CDH8: variants seen among roughly 807,000 people sequenced by gnomAD.
CDH8 encodes the protein cadherin 8, also known as cadherin-8.
CDH8 carries 17 observed loss-of-function variants against 68.1 expected under a neutral mutation model. That is an observed-to-expected ratio of 0.25 (90% confidence interval 0.17 to 0.37). CDH8 has a LOEUF of 0.37. CDH8 is among the 10% of genes least tolerant of loss of function. CDH8 has a pLI of 1.00. For missense variants in CDH8, 763 were observed against 999.3 expected, an observed-to-expected ratio of 0.76 and a Z score of 3.19; for synonymous variants, 372 against 365.1, an observed-to-expected ratio of 1.02 and a Z score of -0.21.
chr16:61,884,278 T>C lies in CDH8; in HGVS notation c.547+16901A>G, dbSNP rs377309740. On this transcript the variant is annotated intron_variant, in intron 3 of 11. Transcript: ENST00000577390. The stretch of plus-strand genomic sequence containing the variant: ...ACCAACTCCTTCTCTTCCTCCTCCT[T>C]CTCAGCCTACTCAACATGAAGATAA... Among the ~76,000 whole-genome samples, 21 of 152,202 alleles carry C rather than the reference T, an allele frequency of 1.4e-4. No homozygotes were observed. The East Asian group carries it at 3.1e-3, about 22-fold the overall frequency.
At chr16:61,973,190 G>A (rs1490537421) in intron 2 of CDH8, among the ~76,000 whole-genome samples, 3 of 152,110 alleles carry the variant, frequency 2.0e-5, no homozygotes, top group Non-Finnish European at 4.4e-5. Flanking sequence ...AGAATAACTT[G>A]TCTTCCTCCT....
At chr16:61,819,694 G>A (rs762940437) in intron 6 of CDH8, among the ~76,000 whole-genome samples, 6 of 151,952 alleles carry the variant, frequency 3.9e-5, no homozygotes, top group Non-Finnish European at 7.4e-5. Context: ...CAGTGGGGGC[G>A]ATTTTTAGAG....
At chr16:62,002,889 T>C (rs1965915069) in intron 2 of CDH8, among the ~76,000 whole-genome samples, 2 of 152,034 alleles carry the variant, frequency 1.3e-5, no homozygotes, top group African/African-American at 4.8e-5. Context: ...CCGTCTCTAC[T>C]AAAAATACAA....
At chr16:61,945,397 T>C (rs1229633148) in intron 2 of CDH8, among the ~76,000 whole-genome samples, 8 of 146,404 alleles carry the variant, frequency 5.5e-5, no homozygotes, top group Non-Finnish European at 1.5e-5. Context: ...CAATCAGTCC[T>C]GCCAAAAGGC....
chr16:61,731,882 T>C (rs1567444503), intron 8 of CDH8, among the ~76,000 whole-genome samples: 1 of 151,562 alleles, frequency 6.6e-6, no homozygotes, highest in African/African-American at 2.4e-5. Context: ...GAAGATGCCA[T>C]AACAACATAA....
rs1962834239 is a variant in CDH8 at position 61,847,541 on chromosome 16, TATATATA to T, written c.667+9571_667+9577del. Among the ~76,000 whole-genome samples, 8 of 30,360 alleles carry T rather than the reference TATATATA, an allele frequency of 2.6e-4. No homozygotes were observed. The African/African-American group carries it at 7.3e-3, about 28-fold the overall frequency. 19.9% of individuals were successfully genotyped at this position (30,360 alleles called of 152,430 possible). ...CTTCTGTAAGCTTCCAATCATTTTA[TATATATA>T]TATATATATATATATATATATGTAA... is the stretch of plus-strand genomic sequence containing the variant. On this transcript the variant is annotated intron_variant, in intron 4 of 11. Transcript: ENST00000577390.
intron 2 of CDH8, among the ~76,000 whole-genome samples, chr16:62,008,082 A>AT (rs1246730670): frequency 1.3e-5 from 2 of 151,776 alleles, no homozygotes; most frequent in African/African-American, 4.8e-5. Flanking sequence ...CCACAGGTGC[A>AT]TGCCACCACA....
chr16:61,773,363 A>G (rs1255165071), intron 8 of CDH8, among the ~76,000 whole-genome samples: 1 of 151,988 alleles, frequency 6.6e-6, no homozygotes, highest in South Asian at 2.1e-4. Context: ...CCCACTTTGC[A>G]AAGCTTAAAG....
intron 4 of CDH8, among the ~76,000 whole-genome samples, chr16:61,838,147 C>A (rs1962608018): frequency 6.6e-6 from 1 of 151,988 alleles, no homozygotes; most frequent in Admixed American, 6.6e-5. Context: ...AACTCTATAT[C>A]AAATAGGTAA....
At chr16:61,738,633 G>T (rs1202901351) in intron 8 of CDH8, among the ~76,000 whole-genome samples, 1 of 152,074 alleles carries the variant, frequency 6.6e-6, no homozygotes, top group Non-Finnish European at 1.5e-5. Context: ...ATGAGAGACA[G>T]TTTATAAAAA....
chr16:61,868,754 A>G (rs1474615094), intron 3 of CDH8, among the ~76,000 whole-genome samples: 1 of 152,168 alleles, frequency 6.6e-6, no homozygotes, highest in Non-Finnish European at 1.5e-5. Flanking sequence ...TAGGGGACTC[A>G]ATCTGTAGTG....
intron 2 of CDH8, among the ~76,000 whole-genome samples, chr16:62,004,117 C>G (rs2150598895): frequency 6.6e-6 from 1 of 152,270 alleles, no homozygotes; most frequent in South Asian, 2.1e-4. Flanking sequence ...TTTTAAAAAG[C>G]TTTAATGACA....
rs1279606783 is a variant in CDH8, at chr16:61,872,180, A to ATT, written c.548-14944_548-14943dup. ...AAGATGTTTACATCCTTCTAAAAGC[A>ATT]TTATGTTATCTCAAGTTTTTAATTA... On this transcript the variant is annotated intron_variant, in intron 3 of 11. Coordinates refer to ENST00000577390, the MANE Select transcript of CDH8 (RefSeq NM_001796.5). 2.0e-5 allele frequency among the ~76,000 whole-genome samples: 3 copies of ATT among 152,336 alleles called. No homozygotes were observed. The East Asian group carries it at 5.8e-4, about 29-fold the overall frequency.
intron 4 of CDH8, among the ~76,000 whole-genome samples, chr16:61,844,077 C>T (rs539777640): frequency 6.6e-6 from 1 of 151,940 alleles, no homozygotes; most frequent in South Asian, 2.1e-4. Context: ...ACATATACAC[C>T]ATGGAATACT....
chr16:61,871,054 A>G (rs767214881), intron 3 of CDH8, among the ~76,000 whole-genome samples: 32 of 152,124 alleles, frequency 2.1e-4, no homozygotes, highest in Non-Finnish European at 4.0e-4. Context: ...CTATTCAATT[A>G]CTGATGTGTT....
chr16:61,729,907 C>T (rs1039918788), intron 8 of CDH8, among the ~76,000 whole-genome samples: 1 of 151,370 alleles, frequency 6.6e-6, no homozygotes, highest in African/African-American at 2.4e-5. Flanking sequence ...GATTCAGATA[C>T]ACTGACAATG....
At chr16:61,908,274 A>G (rs1964097152) in intron 2 of CDH8, among the ~76,000 whole-genome samples, 1 of 152,126 alleles carries the variant, frequency 6.6e-6, no homozygotes, top group South Asian at 2.1e-4. Flanking sequence ...ACTATCCTTA[A>G]CTCAGAGCCA....
At chr16:61,893,249 C>T (rs937950601) in intron 3 of CDH8, among the ~76,000 whole-genome samples, 5 of 152,062 alleles carry the variant, frequency 3.3e-5, no homozygotes, top group East Asian at 1.9e-4. Flanking sequence ...AGATCGACAC[C>T]GATCATTGGA....
chr16:61,801,991 G>C (rs1250186361), intron 7 of CDH8, among the ~76,000 whole-genome samples: 2 of 142,048 alleles, frequency 1.4e-5, no homozygotes, highest in Non-Finnish European at 3.0e-5. Flanking sequence ...GCCTGCCTCT[G>C]TAGGCTCCAC....
Sources: gnomAD v4.1 joint callset for allele counts (sites outside exome capture counted in the v4.1 genomes callset) on GRCh38, gnomAD v4.1.1 for gene constraint, MANE v1.5 for transcripts, NCBI Gene and HGNC (gene_info 2026-07-23, HGNC 2026-07-21) for gene names.